CDR2: variants seen among roughly 807,000 people sequenced by gnomAD.
CDR2 encodes cerebellar degeneration-related protein 2.
In CDR2, 34 loss-of-function variants were observed where a neutral mutation model predicts 48.4. That is an observed-to-expected ratio of 0.70 (90% confidence interval 0.53 to 0.94). The LOEUF is 0.94. Among genes scored for constraint, CDR2 ranks in the 40% least tolerant of loss-of-function variants. CDR2 has a pLI of 0.00. For synonymous variants in CDR2, 240 were observed against 219.7 expected (o/e 1.09, Z -0.82); for missense variants, 498 against 549.5 (o/e 0.91, Z 0.94).
At chr16:22,364,479 A>G (rs1022435982) in intron 2 of CDR2, among the ~76,000 whole-genome samples, 4 of 151,988 alleles carry the variant, frequency 2.6e-5, no homozygotes, top group Non-Finnish European at 4.4e-5. Context: ...GAAGTTCAAG[A>G]GTGTGGGCAG....
At chr16:22,351,323 T>C (rs1461608802) in intron 2 of CDR2, among the ~76,000 whole-genome samples, 1 of 152,210 alleles carries the variant, frequency 6.6e-6, no homozygotes, top group African/African-American at 2.4e-5. Context: ...GCAATAAACA[T>C]ACGTGTGCAT....
intron 1 of CDR2, among the ~76,000 whole-genome samples, chr16:22,369,492 G>T (rs2049063242): frequency 1.3e-5 from 2 of 152,106 alleles, no homozygotes; most frequent in Admixed American, 1.3e-4. Context: ...AAAAGAATTT[G>T]AGACTTGTCC....
At chr16:22,364,420 T>C (rs1312650236) in intron 2 of CDR2, among the ~76,000 whole-genome samples, 5 of 151,752 alleles carry the variant, frequency 3.3e-5, no homozygotes, top group Admixed American at 6.6e-5. Context: ...TGGTAGTAGG[T>C]GGGAGGGATA....
intron 1 of CDR2, among the ~76,000 whole-genome samples, chr16:22,367,447 G>C (rs1462406388): frequency 6.6e-6 from 1 of 152,212 alleles, no homozygotes; most frequent in Non-Finnish European, 1.5e-5. Flanking sequence ...CAAGCAGCCA[G>C]TATGATAGAA....
intron 1 of CDR2, among the ~76,000 whole-genome samples, chr16:22,371,433 C>A (rs1041567184): frequency 6.6e-6 from 1 of 152,170 alleles, no homozygotes; most frequent in Non-Finnish European, 1.5e-5. Flanking sequence ...TCCCATGAGG[C>A]GGCACCTCCA....
At chr16:22,360,145 T>C (rs2049001581) in intron 2 of CDR2, among the ~76,000 whole-genome samples, 1 of 152,218 alleles carries the variant, frequency 6.6e-6, no homozygotes, top group African/African-American at 2.4e-5. Flanking sequence ...GTAGGCTGCT[T>C]ACACGGTTGT....
Position 22,347,599 on chromosome 16 carries a change from C to T in CDR2, c.731G>A (p.Arg244Gln), listed in dbSNP as rs760281095. Residue 244 changes from arginine to glutamine, a missense_variant, in exon 5 of 5, where the codon CGA becomes CAA. Transcript: ENST00000268383. ...EQQLGATGAY[R>Q]ARALELEAEV... The stretch of plus-strand genomic sequence containing the variant: ...GGCCTCTAGTTCCAGCGCCCGTGCT[C>T]GGTAGGCACCTGTGGCCCCCAGCTG... 9.9e-6 allele frequency: 16 copies of T among 1,614,050 alleles called. No homozygotes were observed. The highest frequency in any genetic ancestry group is 1.2e-5 in the Non-Finnish European group (14 of 1,180,044).
chr16:22,364,697 T>C (rs1221305920), intron 2 of CDR2, among the ~76,000 whole-genome samples: 1 of 152,176 alleles, frequency 6.6e-6, no homozygotes, highest in Non-Finnish European at 1.5e-5. Context: ...ACCCCATCTC[T>C]ACCAAAAATA....
Position 22,349,734 on chromosome 16 carries a change from G to C in CDR2, c.308C>G (p.Ala103Gly), listed in dbSNP as rs1187550750. The C allele has an allele frequency of 1.9e-6, 3 of 1,614,124 alleles. No homozygotes were observed. The highest frequency in any genetic ancestry group is 3.3e-5 in the Admixed American group (2 of 60,030). Residue 103 changes from alanine (A) to glycine (G), a missense_variant, in exon 3 of 5, where the codon GCT becomes GGT. Ala to Gly is a moderately conservative substitution (Grantham distance 60, BLOSUM62 0). Coordinates refer to ENST00000268383, the MANE Select transcript of CDR2 (RefSeq NM_001802.2). ...CTTTTGCTGTGAGGCCTTGCTGTCA[G>C]CAACTAGCTTTTGATTTGTTTCTTC... ...ELEETNQKLVADSKASQQKIL... is the reference protein window; with the variant it reads ...ELEETNQKLVGDSKASQQKIL...
In CDR2 at chr16:22,346,829, T is replaced by C; in HGVS notation, c.*136A>G. 2 of 923,356 alleles carry C rather than the reference T, an allele frequency of 2.2e-6. No individual in the cohort carries two copies. The highest frequency in any genetic ancestry group is 3.3e-6 in the Non-Finnish European group (2 of 597,024). 57.2% of individuals were successfully genotyped at this position (923,356 alleles called of 1,614,324 possible). A position where few individuals can be genotyped will look rare whatever the true frequency, so the allele number is the denominator to read the frequency against. On this transcript the variant is annotated 3_prime_UTR_variant, in exon 5 of 5. Transcript: ENST00000268383. ...CTAGCCACCTCCTTTCCTCGTTGTATGCATTTGCTAAATAAGCAAAGCAAT... is the reference window on the plus strand; with the variant it reads ...CTAGCCACCTCCTTTCCTCGTTGTACGCATTTGCTAAATAAGCAAAGCAAT...
Position 22,349,856 on chromosome 16 carries a change from G to A in CDR2, c.193-7C>T. On this transcript the variant is annotated splice_region_variant and splice_polypyrimidine_tract_variant and intron_variant, in intron 2 of 4. Coordinates refer to ENST00000268383, the MANE Select transcript of CDR2 (RefSeq NM_001802.2). ...CCACTTGCTTCGTCAGATACTGTAA[G>A]AGAAGATCAGGACCAGGTGACACAA... 1 of 1,613,898 alleles carries A rather than the reference G, an allele frequency of 6.2e-7. No homozygotes were observed. The highest frequency in any genetic ancestry group is 8.5e-7 in the Non-Finnish European group (1 of 1,179,844).
chr16:22,366,076 T>C (rs2049043249), intron 1 of CDR2, among the ~76,000 whole-genome samples: 1 of 152,234 alleles, frequency 6.6e-6, no homozygotes, highest in Non-Finnish European at 1.5e-5. Flanking sequence ...TTAATAGTCA[T>C]TGATTCACAA....
intron 2 of CDR2, among the ~76,000 whole-genome samples, chr16:22,362,046 C>G (rs1189818162): frequency 1.3e-5 from 2 of 151,914 alleles, no homozygotes; most frequent in African/African-American, 2.4e-5. Context: ...GGACTACAGG[C>G]GCCCGCCACC....
chr16:22,368,159 TAC>T (rs2049054775), intron 1 of CDR2, among the ~76,000 whole-genome samples: 2 of 152,220 alleles, frequency 1.3e-5, no homozygotes, highest in South Asian at 4.1e-4. Context: ...ACAGAACTTT[TAC>T]AAATAGCTCA....
At position 22,374,365 on chromosome 16, in the gene CDR2, GCCCCGGGCTCTT is replaced by G; in HGVS notation, c.-68_-57del. On this transcript the variant is annotated 5_prime_UTR_variant, in exon 1 of 5. Coordinates refer to ENST00000268383, the MANE Select transcript of CDR2 (RefSeq NM_001802.2). ...CCGCCGCCGTCCCGCCTCAGCCGCT[GCCCCGGGCTCTT>G]CCCCGGCCCCTCCGCCCTCAGCCAG... 7.6e-7 allele frequency: 1 copy of G among 1,307,728 alleles called. No individual in the cohort carries two copies. The highest frequency in any genetic ancestry group is 1.5e-5 in the African/African-American group (1 of 64,670). 81.0% of individuals were successfully genotyped at this position (1,307,728 alleles called of 1,614,324 possible).
At chr16:22,350,976 C>T (rs935641502) in intron 2 of CDR2, among the ~76,000 whole-genome samples, 9 of 152,164 alleles carry the variant, frequency 5.9e-5, no homozygotes, top group Non-Finnish European at 1.2e-4. Flanking sequence ...TTGCTGCACC[C>T]ATCAACTCAT....
chr16:22,366,254 CAAT>C (rs2049044094), intron 1 of CDR2, among the ~76,000 whole-genome samples: 1 of 152,028 alleles, frequency 6.6e-6, no homozygotes, highest in Non-Finnish European at 1.5e-5. Flanking sequence ...TGCATATACT[CAAT>C]AATATCAGAC....
At position 22,347,784 on chromosome 16, in the gene CDR2, A is replaced by G. The variant is rs1439879414; in HGVS notation, c.546T>C (p.Thr182=). The G allele has an allele frequency of 1.2e-6, 2 of 1,613,924 alleles. No individual in the cohort carries two copies. Among genetic ancestry groups the G allele is most frequent in the Non-Finnish European group, 1.7e-6 (2 of 1,180,008 alleles). The part of the protein sequence containing the change: ...VYDHVFAEKI[T]SLQGQPSPDE... ...CAGGGCTTGGCTGACCTTGCAAGGA[A>G]GTGATCTTCTCAGCGAACACATGAT... The change falls in exon 5 of 5, where the codon ACT becomes ACC. Residue 182 remains threonine, a synonymous_variant. Coordinates refer to ENST00000268383, the MANE Select transcript of CDR2 (RefSeq NM_001802.2).
chr16:22,355,961 CTAG>C (rs988082969), intron 2 of CDR2, among the ~76,000 whole-genome samples: 3 of 152,102 alleles, frequency 2.0e-5, no homozygotes, highest in African/African-American at 7.2e-5. Context: ...CAATAAACCA[CTAG>C]TAGTATTAGG....
Sources: gnomAD v4.1 joint callset for allele counts (sites outside exome capture counted in the v4.1 genomes callset) on GRCh38, gnomAD v4.1.1 for gene constraint, MANE v1.5 for transcripts, NCBI Gene and HGNC (gene_info 2026-07-23, HGNC 2026-07-21) for gene names.